The following COL18A1 variants were observed in gnomAD, a reference collection of about 807,000 sequenced individuals.
The protein encoded by COL18A1 is collagen alpha-1(XVIII) chain.
In COL18A1, 133 loss-of-function variants were observed where a neutral mutation model predicts 168.0. That is an observed-to-expected ratio of 0.79 (90% CI 0.69 to 0.91). The LOEUF is 0.91. COL18A1 is among the 40% of genes least tolerant of loss of function. The probability of loss-of-function intolerance (pLI) is 0.00; values close to 1 mark genes in which losing one functional copy is unlikely to be tolerated. For synonymous variants in COL18A1, 949 were observed against 809.0 expected (o/e 1.17, Z -2.94); for missense variants, 2,126 against 1,925.4 (o/e 1.10, Z -1.95).
chr21:45,496,998 C>T (rs945921433), intron 30 of COL18A1, 52 bp from the exon 31 acceptor site: 14 of 1,338,446 alleles, frequency 1.0e-5, no homozygotes, highest in South Asian at 4.7e-5. Context: ...GTGGTGGTGG[C>T]CTCCATTTCA....
At chr21:45,485,188 G>T (rs1486431008) in intron 15 of COL18A1, among the ~76,000 whole-genome samples, 1 of 104,842 alleles carries the variant, frequency 9.5e-6, no homozygotes, top group Non-Finnish European at 2.1e-5. Context: ...TTTAGTAGAG[G>T]CAGGGTTTCG....
chr21:45,482,675 G>A (rs570797884), intron 14 of COL18A1, 120 bp from the exon 15 acceptor site: 31 of 1,453,040 alleles, frequency 2.1e-5, no homozygotes, highest in Non-Finnish European at 2.9e-5. Flanking sequence ...CTATTAAACC[G>A]GCACAGGCAG....
chr21:45,411,553 G>A (rs1218278366), intron 2 of COL18A1, among the ~76,000 whole-genome samples: 3 of 152,046 alleles, frequency 2.0e-5, no homozygotes, highest in Non-Finnish European at 2.9e-5. Flanking sequence ...AGCCTCAGAC[G>A]CCCACAGTCT....
chr21:45,493,609 G>T (rs1229553076), intron 26 of COL18A1, 34 bp downstream of exon 26: 9 of 1,467,948 alleles, frequency 6.1e-6, no homozygotes, highest in South Asian at 6.1e-5. Flanking sequence ...CGGCAGGCGT[G>T]GGGGCTCCTG....
intron 25 of COL18A1, 101 bp downstream of exon 25, chr21:45,493,326 C>A: frequency 1.4e-6 from 2 of 1,401,418 alleles, no homozygotes; most frequent in Non-Finnish European, 2.0e-6. Context: ...GACCCCCCGG[C>A]TGCTGCTGTG....
chr21:45,482,400 G>C, intron 14 of COL18A1: 3 of 615,758 alleles, frequency 4.9e-6, no homozygotes, highest in Non-Finnish European at 6.1e-6. Context: ...CCTGCGTCTG[G>C]CCCCCTGGGG....
chr21:45,433,971 G>A (rs1245445550), intron 2 of COL18A1, among the ~76,000 whole-genome samples: 1 of 151,640 alleles, frequency 6.6e-6, no homozygotes, highest in Non-Finnish European at 1.5e-5. Flanking sequence ...GGGCGGAGGG[G>A]AATGAACACC....
chr21:45,476,399 C>A lies in COL18A1; in HGVS notation c.847C>A (p.Pro283Thr). 6.2e-7 allele frequency: 1 copy of A among 1,614,182 alleles called. No homozygotes were observed. Among genetic ancestry groups the A allele is most frequent in the Non-Finnish European group, 8.5e-7 (1 of 1,180,034 alleles). ...RLPAPPPVTT[P>T]PLAGGSSTED... is the part of the protein sequence containing the mutation. ...CCCCGCGCCACCCCCCGTCACCACG[C>A]CACCCTTGGCTGGAGGCAGCAGCAC... Residue 283 changes from proline to threonine, a missense_variant, in exon 6 of 42, where the codon CCA becomes ACA. Transcript: ENST00000651438.
intron 2 of COL18A1, among the ~76,000 whole-genome samples, chr21:45,406,127 G>A (rs147495394): frequency 4.7e-4 from 71 of 152,346 alleles, no homozygotes; most frequent in Admixed American, 2.5e-3. Flanking sequence ...GGACCTTCCT[G>A]CCTCCAACCC....
rs1173458035 is a variant in COL18A1, at chr21:45,471,478, C to T, written c.652-2417C>T. 1.3e-5 allele frequency among the ~76,000 whole-genome samples: 2 copies of T among 152,208 alleles called. No individual in the cohort carries two copies. The highest frequency in any genetic ancestry group is 2.9e-5 in the Non-Finnish European group (2 of 68,046). ...AGGGAGGAAACCGAGGCTTCCTCCT[C>T]CTCAGCCTCTCCACAAGACTGCATC... On this transcript the variant is annotated intron_variant, in intron 3 of 41. Transcript: ENST00000651438. The surrounding 1 kb of genome is among the most constrained non-coding windows in gnomAD (Gnocchi z 4.4).
Position 45,478,352 on chromosome 21 carries a change from C to A in COL18A1, c.1247C>A (p.Pro416Gln), listed in dbSNP as rs768781599. 4 of 1,614,142 alleles carry A rather than the reference C, an allele frequency of 2.5e-6. No homozygotes were observed. The highest frequency in any genetic ancestry group is 4.5e-5 in the East Asian group (2 of 44,876). The change falls in exon 9 of 42, where the codon CCG (proline) becomes CAG (glutamine). Residue 416 changes from proline (P) to glutamine (Q), a missense_variant and splice_region_variant. Transcript: ENST00000651438. Reference protein sequence around the residue: ...EPGDPGEDGKPGDTGPQGFPG... With the variant: ...EPGDPGEDGKQGDTGPQGFPG... ...GGCGACCCCGGTGAAGACGGAAAGC[C>A]GGTGAGTCTGCTTTTCTTTCTGACC...
In COL18A1 at chr21:45,482,775, T is replaced by C. The variant is rs768638800; in HGVS notation, c.1675-20T>C. 1.5e-4 allele frequency: 236 copies of C among 1,614,080 alleles called. 1 individual carries two copies. In the East Asian group the frequency reaches 5.3e-3, roughly 36 times the overall value. ...TGCTGCAAGTCTGATTTTGTCATAA[T>C]CCTGCTCTTTTCCGTACAGGGTGAA... On this transcript the variant is annotated intron_variant, in intron 14 of 41. Transcript: ENST00000651438.
chr21:45,495,016 C>A, intron 28 of COL18A1, 101 bp downstream of exon 28: 1 of 1,026,666 alleles, frequency 9.7e-7, no homozygotes, highest in Non-Finnish European at 1.5e-6. Flanking sequence ...GAGTGGACGG[C>A]CGCCGCACCC....
At chr21:45,415,793 G>A (rs150546311) in intron 2 of COL18A1, among the ~76,000 whole-genome samples, 11 of 152,338 alleles carry the variant, frequency 7.2e-5, no homozygotes, top group East Asian at 5.8e-4. Context: ...CGCTGCAGCC[G>A]GGTGGAGCCC....
At position 45,457,013 on chromosome 21, in the gene COL18A1, G is replaced by GGAGGTGGGA; in HGVS notation, c.107-11225_107-11217dup. On this transcript the variant is annotated intron_variant, in intron 2 of 41. Coordinates refer to ENST00000651438, the MANE Select transcript of COL18A1 (RefSeq NM_001379500.1). This position sits in a 1 kb window ranked among gnomAD's most constrained non-coding sequence, Gnocchi z 4.6. Reference sequence around the variant, plus strand: ...TACGTTCAGGGGCCCGTGGCCCTCGGGAGGTGGGAGAGCTGGGAGTGAGGC... The same window carrying GGAGGTGGGA: ...TACGTTCAGGGGCCCGTGGCCCTCGGGAGGTGGGAGAGGTGGGAGAGCTGGGAGTGAGGC... 1.3e-6 allele frequency: 1 copy of GGAGGTGGGA among 741,792 alleles called. No homozygotes were observed. Among genetic ancestry groups the GGAGGTGGGA allele is most frequent in the Non-Finnish European group, 2.0e-6 (1 of 506,144 alleles). The allele number at this position is 741,792 out of a possible 1,614,324, so 46.0% of individuals were successfully genotyped here.
chr21:45,493,351 C>A, intron 25 of COL18A1, 126 bp downstream of exon 25: 1 of 1,288,266 alleles, frequency 7.8e-7, no homozygotes, highest in Non-Finnish European at 1.1e-6. Context: ...GTGAGGGGTA[C>A]ATCCCTGCTC....
intron 16 of COL18A1, among the ~76,000 whole-genome samples, 158 bp from the exon 17 acceptor site, chr21:45,487,289 G>A (rs1035587440): frequency 3.9e-5 from 6 of 152,196 alleles, no homozygotes; most frequent in African/African-American, 1.4e-4. Context: ...CCCAGGCCCT[G>A]CCACCAGGTA....
rs752384135 is a variant in COL18A1 at position 45,476,450 on chromosome 21, G to A, written c.898G>A (p.Glu300Lys). 54 of 1,613,450 alleles carry A rather than the reference G, an allele frequency of 3.3e-5. No individual in the cohort carries two copies. Among genetic ancestry groups the A allele is most frequent in the Middle Eastern group, 1.7e-4 (1 of 6,056 alleles). ...GGAAGATTCCAGAAGTGAAGAAGTC[G>A]AGGAGCAGACCACGGTGGCTTCGTT... ...STEDSRSEEV[E>K]EQTTVASLGA... The change falls in exon 6 of 42, where the codon GAG becomes AAG. Residue 300 changes from glutamate to lysine, a missense_variant. Glu to Lys is a moderately conservative substitution (Grantham distance 56). Coordinates refer to ENST00000651438, the MANE Select transcript of COL18A1 (RefSeq NM_001379500.1).
At chr21:45,491,810 A>C (rs183771056) in intron 22 of COL18A1, among the ~76,000 whole-genome samples, 115 of 152,330 alleles carry the variant, frequency 7.5e-4, no homozygotes, top group Middle Eastern at 3.4e-3. Context: ...TCACAGAGGC[A>C]GACGCATCTC....
Sources: gnomAD v4.1 joint callset for allele counts (sites outside exome capture counted in the v4.1 genomes callset) on GRCh38, gnomAD v4.1.1 for gene constraint, Gnocchi (gnomAD v3.1) non-coding constraint, MANE v1.5 for transcripts, NCBI Gene and HGNC (gene_info 2026-07-23, HGNC 2026-07-21) for gene names.